The following RASAL2 variants were observed in gnomAD, a reference collection of about 807,000 sequenced individuals.
RASAL2 encodes the protein RAS protein activator like 2, also known as ras GTPase-activating protein nGAP.
RASAL2 carries 58 observed loss-of-function variants against 128.9 expected under a neutral mutation model. That is an observed-to-expected ratio of 0.45 (90% CI 0.36 to 0.56). The LOEUF (loss-of-function observed/expected upper bound fraction) is 0.56. Among genes scored for constraint, RASAL2 ranks in the 20% least tolerant of loss-of-function variants. The probability of loss-of-function intolerance (pLI) is 0.00; values close to 1 mark genes in which losing one functional copy is unlikely to be tolerated. For missense variants in RASAL2, 1,360 were observed against 1,601.6 expected, an observed-to-expected ratio of 0.85 and a Z score of 2.57; for synonymous variants, 561 against 580.8, an observed-to-expected ratio of 0.97 and a Z score of 0.49.
chr1:178,392,765 A>G (rs2102616181), intron 4 of RASAL2, among the ~76,000 whole-genome samples: 1 of 152,250 alleles, frequency 6.6e-6, no homozygotes, highest in South Asian at 2.1e-4. Flanking sequence ...AATAATATTT[A>G]GCCTTAAGGA....
At position 178,404,477 on chromosome 1, in the gene RASAL2, T is replaced by C. The variant is rs1455420211; in HGVS notation, c.564+14271T>C. On this transcript the variant is annotated intron_variant, in intron 4 of 17. Transcript: ENST00000367649. Reference sequence around the variant, plus strand: ...CTCACTGCAACTTCTGCCTCCTGGATTCAAGCCATTCTCCTGCCTCAGCCT... The same window carrying C: ...CTCACTGCAACTTCTGCCTCCTGGACTCAAGCCATTCTCCTGCCTCAGCCT... 2.0e-5 allele frequency among the ~76,000 whole-genome samples: 3 copies of C among 151,390 alleles called. No individual in the cohort carries two copies. In the East Asian group the frequency reaches 5.9e-4, roughly 30 times the overall value.
At chr1:178,349,617 A>C (rs1450656359) in intron 3 of RASAL2, among the ~76,000 whole-genome samples, 1 of 151,934 alleles carries the variant, frequency 6.6e-6, no homozygotes, top group African/African-American at 2.4e-5. Flanking sequence ...TAAAAACACT[A>C]ATCTAGTCAT....
At chr1:178,423,973 T>C (rs1035401363) in intron 5 of RASAL2, among the ~76,000 whole-genome samples, 2 of 152,138 alleles carry the variant, frequency 1.3e-5, no homozygotes, top group African/African-American at 4.8e-5. Flanking sequence ...ACATGGAAGT[T>C]TTCAATTTTC....
chr1:178,178,339 TG>T (rs1661962759), intron 1 of RASAL2, among the ~76,000 whole-genome samples: 2 of 152,090 alleles, frequency 1.3e-5, no homozygotes, highest in South Asian at 4.1e-4. Context: ...CATTCATTTA[TG>T]GGGGCCAAGG....
intron 1 of RASAL2, among the ~76,000 whole-genome samples, chr1:178,257,188 T>C (rs1235419358): frequency 3.9e-5 from 6 of 152,192 alleles, no homozygotes; most frequent in Admixed American, 3.9e-4. Flanking sequence ...GTTGTTAAGA[T>C]GTCAACAATA....
rs1185888668 is a variant in RASAL2 at position 178,446,042 on chromosome 1, C to CA, written c.1627+384dup. 9.9e-5 allele frequency among the ~76,000 whole-genome samples: 15 copies of CA among 152,264 alleles called. No homozygotes were observed. In the East Asian group the frequency reaches 2.9e-3, roughly 29 times the overall value. The stretch of plus-strand genomic sequence containing the variant: ...ACCCTGACATTTGTTATCATGCATG[C>CA]AAAACTCTAATCAAAAGTGAAGAAA... On this transcript the variant is annotated intron_variant, in intron 9 of 17. Transcript: ENST00000367649.
At chr1:178,191,805 C>G (rs1343689774) in intron 1 of RASAL2, among the ~76,000 whole-genome samples, 1 of 152,068 alleles carries the variant, frequency 6.6e-6, no homozygotes, top group African/African-American at 2.4e-5. Flanking sequence ...TTGTGGCACA[C>G]AGACAATAAG....
At chr1:178,359,935 C>T (rs930861945) in intron 3 of RASAL2, among the ~76,000 whole-genome samples, 51 of 152,084 alleles carry the variant, frequency 3.4e-4, no homozygotes, top group African/African-American at 1.2e-3. Flanking sequence ...CATATGGACT[C>T]ACAGATTATA....
Position 178,442,713 on chromosome 1 carries a change from G to A in RASAL2, c.966G>A (p.Trp322Ter). Residue 322 changes from tryptophan to a stop codon, truncating the protein, a stop_gained, in exon 8 of 18, where the codon TGG (tryptophan) becomes TGA (stop). Transcript: ENST00000367649. LOFTEE classifies it high-confidence loss of function. ...GAGCTGAAAATGTTCTTCGTTTATG[G>A]ATCATTGAAGCCAAGGACCTTGCCC... is the stretch of plus-strand genomic sequence containing the variant. ...CRRAENVLRL[W>*]IIEAKDLAPK... The A allele has an allele frequency of 6.2e-7, 1 of 1,612,828 alleles. No individual in the cohort carries two copies. Among genetic ancestry groups the A allele is most frequent in the Non-Finnish European group, 8.5e-7 (1 of 1,179,476 alleles).
intron 1 of RASAL2, among the ~76,000 whole-genome samples, chr1:178,208,491 A>G (rs1663135275): frequency 6.6e-6 from 1 of 152,106 alleles, no homozygotes. Flanking sequence ...ACTCCGCGCT[A>G]GTAAATTTGT....
chr1:178,301,607 A>G (rs1157171014), intron 3 of RASAL2, among the ~76,000 whole-genome samples: 2 of 151,768 alleles, frequency 1.3e-5, no homozygotes, highest in African/African-American at 4.8e-5. Context: ...TAATTTTTGT[A>G]TTTTTAATAG....
At chr1:178,242,459 C>CA (rs1489298687) in intron 1 of RASAL2, among the ~76,000 whole-genome samples, 4 of 114,268 alleles carry the variant, frequency 3.5e-5, no homozygotes, top group African/African-American at 1.5e-4. Context: ...CTCTCTCTCT[C>CA]TCTCTCTCTC....
intron 1 of RASAL2, among the ~76,000 whole-genome samples, chr1:178,222,282 C>G (rs1663641708): frequency 6.6e-6 from 1 of 151,978 alleles, no homozygotes; most frequent in Admixed American, 6.6e-5. Flanking sequence ...ATATTACTTC[C>G]TATTTGTATT....
intron 14 of RASAL2, among the ~76,000 whole-genome samples, 195 bp downstream of exon 14, chr1:178,458,739 C>T (rs1363318545): frequency 2.0e-5 from 3 of 152,164 alleles, no homozygotes; most frequent in African/African-American, 7.2e-5. Flanking sequence ...TGACTCATTA[C>T]CCTTAAGAGT....
intron 1 of RASAL2, among the ~76,000 whole-genome samples, chr1:178,163,153 A>G (rs1311878853): frequency 6.6e-6 from 1 of 151,284 alleles, no homozygotes; most frequent in African/African-American, 2.4e-5. Flanking sequence ...TTTTTAGTAG[A>G]GATGGGGTTT....
chr1:178,179,177 T>A (rs557291911), intron 1 of RASAL2, among the ~76,000 whole-genome samples: 19 of 152,196 alleles, frequency 1.2e-4, no homozygotes, highest in African/African-American at 4.1e-4. Flanking sequence ...TAGTGTTTGC[T>A]GATTTCTGTG....
chr1:178,211,307 T>C (rs1663247903), intron 1 of RASAL2, among the ~76,000 whole-genome samples: 1 of 152,152 alleles, frequency 6.6e-6, no homozygotes, highest in Non-Finnish European at 1.5e-5. Flanking sequence ...TCACTTCTGA[T>C]TGTATCCTAG....
At chr1:178,172,434 G>T (rs1661735207) in intron 1 of RASAL2, among the ~76,000 whole-genome samples, 1 of 151,968 alleles carries the variant, frequency 6.6e-6, no homozygotes, top group African/African-American at 2.4e-5. Context: ...TTGTAAAGAT[G>T]TTTAACAGGT....
At chr1:178,198,140 A>C (rs904712529) in intron 1 of RASAL2, among the ~76,000 whole-genome samples, 8 of 152,224 alleles carry the variant, frequency 5.3e-5, no homozygotes, top group Non-Finnish European at 7.3e-5. Flanking sequence ...TGCTCTTGTG[A>C]ATAGTGCCAC....
Sources: gnomAD v4.1 joint callset for allele counts (sites outside exome capture counted in the v4.1 genomes callset) on GRCh38, gnomAD v4.1.1 for gene constraint, MANE v1.5 for transcripts, NCBI Gene and HGNC (gene_info 2026-07-23, HGNC 2026-07-21) for gene names.